Variants in ARSJ observed in about 807,000 individuals in gnomAD.
The protein encoded by ARSJ is arylsulfatase family member J.
Under a neutral mutation model 35.9 loss-of-function variants are expected in ARSJ, and 26 were observed. The ratio of observed to expected loss-of-function variants is 0.72; its 90% CI spans 0.53 to 1.00. The LOEUF is 1.00. Ranked by LOEUF, ARSJ falls within the 50% of genes least tolerant of loss-of-function variation. The pLI, the probability that ARSJ is intolerant of heterozygous loss-of-function variation, is 0.00. For synonymous variants in ARSJ, 294 were observed against 267.6 expected (o/e 1.10, Z -0.96); for missense variants, 667 against 723.6 (o/e 0.92, Z 0.90).
Position 113,972,220 on chromosome 4 carries a change from G to T in ARSJ, c.398+6217C>A, listed in dbSNP as rs577897399. On this transcript the variant is annotated intron_variant, in intron 1 of 1. Coordinates refer to ENST00000315366, the MANE Select transcript of ARSJ (RefSeq NM_024590.4). ...GTACAGTGTGGCTATAGCTGACAAGGCCCAGCTGAGGCAATTCCAGGAAGA... is the reference window on the plus strand; with the variant it reads ...GTACAGTGTGGCTATAGCTGACAAGTCCCAGCTGAGGCAATTCCAGGAAGA... 1.1e-4 allele frequency among the ~76,000 whole-genome samples: 16 copies of T among 141,352 alleles called. No individual in the cohort carries two copies. In the South Asian group the frequency reaches 1.4e-3, roughly 13 times the overall value. 92.7% of individuals were successfully genotyped at this position (141,352 alleles called of 152,430 possible).
At chr4:113,925,216 T>A (rs1594422260) in intron 1 of ARSJ, among the ~76,000 whole-genome samples, 1 of 152,220 alleles carries the variant, frequency 6.6e-6, no homozygotes, top group East Asian at 1.9e-4. Context: ...GGTGGCAATC[T>A]TAGCTTCCAG....
At position 113,978,470 on chromosome 4, in the gene ARSJ, C is replaced by G; in HGVS notation, c.365G>C (p.Cys122Ser). ...KLENYYVQPI[C>S]TPSRSQFITG... ...AATAAACTGACTCCTGGATGGTGTGCAAATAGGCTGGACATAGTAGTTCTC... is the reference window on the plus strand; with the variant it reads ...AATAAACTGACTCCTGGATGGTGTGGAAATAGGCTGGACATAGTAGTTCTC... The change falls in exon 1 of 2, where the codon TGC becomes TCC. Residue 122 changes from cysteine (C) to serine (S), a missense_variant. Coordinates refer to ENST00000315366, the MANE Select transcript of ARSJ (RefSeq NM_024590.4). 6.2e-7 allele frequency: 1 copy of G among 1,613,146 alleles called. No individual in the cohort carries two copies. Among genetic ancestry groups the G allele is most frequent in the Non-Finnish European group, 8.5e-7 (1 of 1,179,478 alleles).
rs1029677534 is a variant in ARSJ at position 113,935,922 on chromosome 4, G to T, written c.399-32247C>A. ...TAGGCACTTGAATGTGTAATTTCTG[G>T]TGTACATAATAGCTATTCAACAAAT... On this transcript the variant is annotated intron_variant, in intron 1 of 1. Transcript: ENST00000315366. Among the ~76,000 whole-genome samples the T allele has an allele frequency of 2.0e-5, 3 of 151,922 alleles. No homozygotes were observed. The East Asian group carries it at 5.8e-4, about 29-fold the overall frequency.
intron 1 of ARSJ, among the ~76,000 whole-genome samples, chr4:113,940,896 G>C (rs1318315655): frequency 6.6e-6 from 1 of 151,794 alleles, no homozygotes; most frequent in East Asian, 1.9e-4. Context: ...TTACTCTTAG[G>C]GTAAGGTCTT....
chr4:113,926,305 T>A (rs1284488895), intron 1 of ARSJ, among the ~76,000 whole-genome samples: 2 of 152,164 alleles, frequency 1.3e-5, no homozygotes, highest in Non-Finnish European at 2.9e-5. Flanking sequence ...TAATTGCACA[T>A]CCAGCCATTT....
chr4:113,926,519 G>C (rs1012814017), intron 1 of ARSJ, among the ~76,000 whole-genome samples: 2 of 152,138 alleles, frequency 1.3e-5, no homozygotes, highest in Non-Finnish European at 2.9e-5. Context: ...ACTGATCATA[G>C]AGAACTCCCC....
intron 1 of ARSJ, among the ~76,000 whole-genome samples, chr4:113,940,240 A>C (rs1725060647): frequency 6.6e-6 from 1 of 152,182 alleles, no homozygotes; most frequent in Admixed American, 6.6e-5. Context: ...GAATCAACCC[A>C]AATGCCCATC....
intron 1 of ARSJ, among the ~76,000 whole-genome samples, chr4:113,922,273 A>G (rs1723730641): frequency 6.6e-6 from 1 of 152,188 alleles, no homozygotes. Flanking sequence ...AAATATTGTT[A>G]TTCAATTTTA....
At chr4:113,910,874 C>T (rs550007439) in intron 1 of ARSJ, among the ~76,000 whole-genome samples, 58 of 152,214 alleles carry the variant, frequency 3.8e-4, no homozygotes, top group African/African-American at 1.2e-3. Flanking sequence ...ATTATTATGA[C>T]AGGACTAAGT....
chr4:113,914,205 C>A (rs1466460435), intron 1 of ARSJ, among the ~76,000 whole-genome samples: 1 of 152,086 alleles, frequency 6.6e-6, no homozygotes, highest in Non-Finnish European at 1.5e-5. Flanking sequence ...AACTCCTGAC[C>A]TCATAATCCA....
At position 113,902,124 on chromosome 4, in the gene ARSJ, A is replaced by G. The variant is rs868054165; in HGVS notation, c.*150T>C. 3 of 1,594,656 alleles carry G rather than the reference A, an allele frequency of 1.9e-6. No homozygotes were observed. In the Middle Eastern group the frequency reaches 5.0e-4, roughly 263 times the overall value. ...CAGGACAGTTTTCAGTGTGGCGGCCAGGTGGCAGAAGTCTCTGGAGTGGCA... is the reference window on the plus strand; with the variant it reads ...CAGGACAGTTTTCAGTGTGGCGGCCGGGTGGCAGAAGTCTCTGGAGTGGCA... On this transcript the variant is annotated 3_prime_UTR_variant, in exon 2 of 2. Transcript: ENST00000315366.
chr4:113,924,244 C>G (rs1359837068), intron 1 of ARSJ, among the ~76,000 whole-genome samples: 4 of 151,278 alleles, frequency 2.6e-5, no homozygotes, highest in Admixed American at 6.6e-5. Context: ...GTCCAACGTT[C>G]GAGGGCAGGA....
Position 113,902,968 on chromosome 4 carries a change from G to A in ARSJ, c.1106C>T (p.Thr369Ile). ...GATGTGCACAAGTTCCTTACACACT[G>A]TTCCCTTGTTTTTCAGAAGTGGGCT... ...VHSPLLKNKG[T>I]VCKELVHITD... The change falls in exon 2 of 2, where the codon ACA becomes ATA. Residue 369 changes from threonine (T) to isoleucine (I), a missense_variant. Physicochemically the swap from Thr to Ile is moderately conservative, Grantham distance 89 (BLOSUM62 -1). Transcript: ENST00000315366. 2 of 1,614,152 alleles carry A rather than the reference G, an allele frequency of 1.2e-6. No individual in the cohort carries two copies. The highest frequency in any genetic ancestry group is 1.7e-5 in the Admixed American group (1 of 60,014).
chr4:113,945,002 T>C (rs888944832), intron 1 of ARSJ, among the ~76,000 whole-genome samples: 1 of 152,076 alleles, frequency 6.6e-6, no homozygotes. Flanking sequence ...ATAAATAAAA[T>C]ATTTGGCGTG....
intron 1 of ARSJ, among the ~76,000 whole-genome samples, chr4:113,928,118 A>T (rs67064820): frequency 0.17 from 25,932 of 152,076 alleles, 2,556 homozygotes; most frequent in Middle Eastern, 0.31. Flanking sequence ...TGACATTCAT[A>T]AGCCCCTACT....
At chr4:113,911,362 G>C (rs1452629419) in intron 1 of ARSJ, among the ~76,000 whole-genome samples, 1 of 152,156 alleles carries the variant, frequency 6.6e-6, no homozygotes, top group African/African-American at 2.4e-5. Context: ...GAATACTTTT[G>C]AAAAGAGAAT....
At chr4:113,931,582 A>G (rs1282739696) in intron 1 of ARSJ, among the ~76,000 whole-genome samples, 1 of 152,112 alleles carries the variant, frequency 6.6e-6, no homozygotes, top group Non-Finnish European at 1.5e-5. Context: ...TTTACCAGTT[A>G]TGATTAAAAA....
chr4:113,907,977 C>T (rs2374214), intron 1 of ARSJ, among the ~76,000 whole-genome samples: 8,649 of 152,158 alleles, frequency 0.057, 327 homozygotes, highest in East Asian at 0.11. Context: ...TGAAAAACTA[C>T]CCATCGGGTA....
At chr4:113,908,172 T>C (rs1489550966) in intron 1 of ARSJ, among the ~76,000 whole-genome samples, 1 of 152,252 alleles carries the variant, frequency 6.6e-6, no homozygotes, top group Non-Finnish European at 1.5e-5. Flanking sequence ...TGGAATAGTT[T>C]CAATAAAGAA....
Sources: allele counts gnomAD v4.1 joint callset (sites outside exome capture counted in the v4.1 genomes callset), GRCh38; gene constraint gnomAD v4.1.1; transcripts MANE v1.5; gene names NCBI Gene and HGNC (gene_info 2026-07-23, HGNC 2026-07-21).